Variants in TBC1D5 observed in about 807,000 individuals in gnomAD.
TBC1D5 encodes the protein TBC1 domain family member 5.
Under a neutral mutation model 100.3 loss-of-function variants are expected in TBC1D5, and 75 were observed. The ratio of observed to expected loss-of-function variants is 0.75; its 90% CI spans 0.62 to 0.91. The LOEUF (loss-of-function observed/expected upper bound fraction) is 0.91. Among genes scored for constraint, TBC1D5 ranks in the 40% least tolerant of loss-of-function variants. TBC1D5 has a pLI of 0.00. For missense variants in TBC1D5, 910 were observed against 942.4 expected (o/e 0.97, Z 0.45); for synonymous variants, 323 against 325.6 (o/e 0.99, Z 0.09).
At chr3:17,616,621 TG>T (rs2062181846) in intron 2 of TBC1D5, among the ~76,000 whole-genome samples, 1 of 152,366 alleles carries the variant, frequency 6.6e-6, no homozygotes, top group Admixed American at 6.5e-5. Flanking sequence ...CTTGTTGAAT[TG>T]ATCCCTTTAC....
intron 8 of TBC1D5, among the ~76,000 whole-genome samples, chr3:17,397,660 A>T (rs1334135399): frequency 6.6e-6 from 1 of 152,214 alleles, no homozygotes; most frequent in African/African-American, 2.4e-5. Context: ...TGAAGGCATG[A>T]GCCAACACAC....
chr3:17,372,174 G>C lies in TBC1D5; in HGVS notation c.896C>G (p.Thr299Ser), dbSNP rs149996834. 2.8e-5 allele frequency: 45 copies of C among 1,613,612 alleles called. No homozygotes were observed. The African/African-American group carries it at 5.6e-4, about 20-fold the overall frequency. Residue 299 changes from threonine to serine, a missense_variant, in exon 13 of 22, where the codon ACT (threonine) becomes AGT (serine). By Grantham distance (58) the Thr-to-Ser change is moderately conservative. Transcript: ENST00000253692. ...ATGATCCTGGATCTGGTTGACTTTA[G>C]TAACAATAGCAATTGTTGGCCCTAA...
At chr3:17,320,499 T>C (rs566620927) in intron 13 of TBC1D5, among the ~76,000 whole-genome samples, 1 of 152,294 alleles carries the variant, frequency 6.6e-6, no homozygotes, top group South Asian at 2.1e-4. Context: ...CCAAGGAAGT[T>C]TTAGTGATTC....
At chr3:17,191,913 C>T (rs905695520) in intron 18 of TBC1D5, among the ~76,000 whole-genome samples, 2 of 152,006 alleles carry the variant, frequency 1.3e-5, no homozygotes, top group Admixed American at 6.6e-5. Context: ...CATGAGTCAT[C>T]GCACCCAACT....
At chr3:17,366,463 G>A (rs2092134583) in intron 13 of TBC1D5, among the ~76,000 whole-genome samples, 1 of 152,000 alleles carries the variant, frequency 6.6e-6, no homozygotes, top group Admixed American at 6.6e-5. Context: ...CATTCTTCAT[G>A]TATAAGGGGA....
chr3:17,469,406 A>G (rs2095347125), intron 3 of TBC1D5, among the ~76,000 whole-genome samples: 1 of 152,144 alleles, frequency 6.6e-6, no homozygotes, highest in Admixed American at 6.5e-5. Flanking sequence ...CTCTGTTTCT[A>G]GCAACGAATG....
intron 1 of TBC1D5, among the ~76,000 whole-genome samples, chr3:17,652,178 T>C (rs2065641618): frequency 6.6e-6 from 1 of 152,196 alleles, no homozygotes; most frequent in Non-Finnish European, 1.5e-5. Context: ...ACAGCCTTTA[T>C]AGACCTGATC....
chr3:17,734,968 C>T (rs1247070878), intron 1 of TBC1D5, among the ~76,000 whole-genome samples: 3 of 151,996 alleles, frequency 2.0e-5, no homozygotes, highest in Non-Finnish European at 4.4e-5. Flanking sequence ...TGGCATGTGC[C>T]TGTGGTCTCA....
chr3:17,714,130 T>A (rs564591994), intron 1 of TBC1D5, among the ~76,000 whole-genome samples: 1 of 152,190 alleles, frequency 6.6e-6, no homozygotes, highest in Non-Finnish European at 1.5e-5. Context: ...TTGGAAATTA[T>A]TGTGTATATC....
At chr3:17,738,076 C>T (rs1450639192) in intron 1 of TBC1D5, among the ~76,000 whole-genome samples, 1 of 152,174 alleles carries the variant, frequency 6.6e-6, no homozygotes, top group East Asian at 1.9e-4. Flanking sequence ...ACACCATCAC[C>T]AAAGACATGT....
intron 2 of TBC1D5, among the ~76,000 whole-genome samples, chr3:17,614,687 C>T (rs1390477269): frequency 8.6e-5 from 13 of 152,004 alleles, no homozygotes; most frequent in Non-Finnish European, 4.4e-5. Context: ...GGCTGTTTGT[C>T]TGTTACGGGT....
chr3:17,522,980 T>C (rs1175237026), intron 2 of TBC1D5, among the ~76,000 whole-genome samples: 1 of 152,228 alleles, frequency 6.6e-6, no homozygotes, highest in African/African-American at 2.4e-5. Flanking sequence ...TTATATTTAT[T>C]GAACAAATTA....
intron 1 of TBC1D5, among the ~76,000 whole-genome samples, chr3:17,709,778 G>C (rs954754024): frequency 4.6e-5 from 7 of 152,160 alleles, no homozygotes; most frequent in Admixed American, 3.9e-4. Flanking sequence ...GCAAAATATA[G>C]GAGTTGCTGT....
At chr3:17,218,423 C>T (rs1452229121) in intron 17 of TBC1D5, among the ~76,000 whole-genome samples, 1 of 151,894 alleles carries the variant, frequency 6.6e-6, no homozygotes, top group Non-Finnish European at 1.5e-5. Flanking sequence ...GTAGTACTGC[C>T]ATATTAACAA....
At chr3:17,200,020 A>C (rs1172535727) in intron 18 of TBC1D5, among the ~76,000 whole-genome samples, 1 of 151,910 alleles carries the variant, frequency 6.6e-6, no homozygotes, top group African/African-American at 2.4e-5. Context: ...GATGAGCTAG[A>C]GAGGGGAAAG....
intron 16 of TBC1D5, among the ~76,000 whole-genome samples, chr3:17,250,466 A>T (rs2077086418): frequency 6.6e-6 from 1 of 152,176 alleles, no homozygotes; most frequent in African/African-American, 2.4e-5. Flanking sequence ...GCCCTACATG[A>T]TCTAGCCTCC....
At chr3:17,647,295 A>G (rs1019456572) in intron 1 of TBC1D5, among the ~76,000 whole-genome samples, 1 of 152,186 alleles carries the variant, frequency 6.6e-6, no homozygotes, top group Non-Finnish European at 1.5e-5. Context: ...CATGAAGCTT[A>G]CAAGCTTACA....
chr3:17,602,561 ATT>A (rs33956978), intron 2 of TBC1D5, among the ~76,000 whole-genome samples: 618 of 74,320 alleles, frequency 8.3e-3, no homozygotes, highest in African/African-American at 0.033. Context: ...AGAGAATCAG[ATT>A]TTTTTTTTTT....
rs181211943 is a variant in TBC1D5 at position 17,531,697 on chromosome 3, T to G, written c.-35-23092A>C. Among the ~76,000 whole-genome samples, 399 of 152,302 alleles carry G rather than the reference T, an allele frequency of 2.6e-3. 1 individual carries two copies. Among genetic ancestry groups the G allele is most frequent in the African/African-American group, 9.4e-3 (392 of 41,558 alleles). ...ATAATGCCACATATCTACAACTATT[T>G]GATCTTTGACAAACCTGAGAAAAAC... is the stretch of plus-strand genomic sequence containing the variant. On this transcript the variant is annotated intron_variant, in intron 2 of 21. Coordinates refer to ENST00000253692, the Ensembl canonical transcript of TBC1D5.
Sources: gnomAD v4.1 joint callset for allele counts (sites outside exome capture counted in the v4.1 genomes callset) on GRCh38, gnomAD v4.1.1 for gene constraint, MANE v1.5 for transcripts, NCBI Gene and HGNC (gene_info 2026-07-23, HGNC 2026-07-21) for gene names.